Variants in RBPJ observed in about 807,000 individuals in gnomAD.
RBPJ encodes recombining binding protein suppressor of hairless.
A neutral mutation model predicts 67.8 loss-of-function variants in RBPJ; 9 were observed. The observed-to-expected ratio is 0.13, with a 90% CI of 0.08 to 0.23. The LOEUF (loss-of-function observed/expected upper bound fraction) is 0.23, where lower values mean the gene tolerates loss of function less well. Among genes scored for constraint, RBPJ ranks in the 10% least tolerant of loss-of-function variants. RBPJ has a pLI of 1.00. For synonymous variants in RBPJ, 198 were observed against 203.3 expected, an observed-to-expected ratio of 0.97 and a Z score of 0.22; for missense variants, 305 against 595.6, an observed-to-expected ratio of 0.51 and a Z score of 5.08.
At chr4:26,313,503 C>CA (rs200769520) in intron 1 of RBPJ, among the ~76,000 whole-genome samples, 1,602 of 151,212 alleles carry the variant, frequency 0.011, 37 homozygotes, top group South Asian at 0.094. Flanking sequence ...CCGTCTCTAC[C>CA]AAAAAAAATA....
At chr4:26,275,662 C>T (rs1289031696) in intron 1 of RBPJ, among the ~76,000 whole-genome samples, 4 of 152,034 alleles carry the variant, frequency 2.6e-5, no homozygotes, top group African/African-American at 4.8e-5. Flanking sequence ...GACGGAGTCT[C>T]GTACTGTTGC....
intron 1 of RBPJ, among the ~76,000 whole-genome samples, chr4:26,167,829 T>C (rs1480170080): frequency 2.0e-5 from 3 of 151,832 alleles, no homozygotes; most frequent in Non-Finnish European, 4.4e-5. Flanking sequence ...TTTTTGCCCA[T>C]TCAGTATGAT....
the RBPJ span, among the ~76,000 whole-genome samples, chr4:26,121,873 C>CTTTTTT: frequency 4.3e-5 from 4 of 94,106 alleles, no homozygotes; most frequent in Admixed American, 1.2e-4. Context: ...GAGTATCTCT[C>CTTTTTT]TTTTTTTTTT....
intron 1 of RBPJ, among the ~76,000 whole-genome samples, chr4:26,233,999 G>A (rs1398050366): frequency 6.6e-6 from 1 of 152,190 alleles, no homozygotes; most frequent in African/African-American, 2.4e-5. Context: ...AGAAGTAATG[G>A]TGGATTCTAG....
rs1719025382 is a variant in RBPJ at position 26,224,657 on chromosome 4, C to G, written c.-167+61043C>G. On this transcript the variant is annotated intron_variant, in intron 1 of 4. Transcript: ENST00000512351. ...ATGGGCATGAGCCACCGCACCCTGCCCAGAACAGAACATTCTTGATGGCAG... is the reference window on the plus strand; with the variant it reads ...ATGGGCATGAGCCACCGCACCCTGCGCAGAACAGAACATTCTTGATGGCAG... Among the ~76,000 whole-genome samples, 3 of 152,214 alleles carry G rather than the reference C, an allele frequency of 2.0e-5. No homozygotes were observed. In the South Asian group the frequency reaches 6.2e-4, roughly 32 times the overall value.
chr4:26,245,036 C>T (rs1279112160), intron 1 of RBPJ, among the ~76,000 whole-genome samples: 5 of 150,970 alleles, frequency 3.3e-5, no homozygotes, highest in Admixed American at 6.6e-5. Context: ...CCATAAGAAT[C>T]ACCTTCTTAA....
chr4:26,225,490 G>A (rs186778456), intron 1 of RBPJ, among the ~76,000 whole-genome samples: 1 of 152,286 alleles, frequency 6.6e-6, no homozygotes, highest in African/African-American at 2.4e-5. Flanking sequence ...GGATTTTCAG[G>A]TGGTGCAGTT....
At chr4:26,412,324 T>G (rs577305016) in intron 3 of RBPJ, among the ~76,000 whole-genome samples, 3 of 152,104 alleles carry the variant, frequency 2.0e-5, no homozygotes, top group African/African-American at 7.2e-5. Context: ...CCCCACCTAC[T>G]GGGTTCAAGC....
chr4:26,255,758 T>C (rs113425092), intron 1 of RBPJ, among the ~76,000 whole-genome samples: 2,593 of 138,656 alleles, frequency 0.019, 47 homozygotes, highest in African/African-American at 0.049. Flanking sequence ...GCCGAGATCG[T>C]GCCACTGCAC....
At chr4:26,215,391 G>GGA (rs1553849946) in intron 1 of RBPJ, among the ~76,000 whole-genome samples, 491 of 31,640 alleles carry the variant, frequency 0.016, 11 homozygotes, top group African/African-American at 0.019. Flanking sequence ...GGGAGGGAGA[G>GGA]AGGAAGGAAG....
rs568110128 is a variant in RBPJ, at chr4:26,420,676, A to G, written c.447A>G (p.Lys149=). Reference sequence around the variant, plus strand: ...GTGTGTTCCTCAGCAAGCGGATAAAAGTCATCTCCAAACCTTCCAAAAAGA... The same window carrying G: ...GTGTGTTCCTCAGCAAGCGGATAAAGGTCATCTCCAAACCTTCCAAAAAGA... ...DIGVFLSKRI[K]VISKPSKKKQ... The change falls in exon 5 of 11, where the codon AAA becomes AAG. Residue 149 remains lysine (K), a synonymous_variant. Coordinates refer to ENST00000355476, the MANE Select transcript of RBPJ (RefSeq NM_015874.6). The G allele has an allele frequency of 6.8e-6, 11 of 1,613,966 alleles. No homozygotes were observed. The African/African-American group carries it at 1.5e-4, about 22-fold the overall frequency.
At chr4:26,322,120 G>C (rs1490135720) in intron 1 of RBPJ, 2 of 152,612 alleles carry the variant, frequency 1.3e-5, no homozygotes, top group African/African-American at 2.4e-5. Flanking sequence ...CCCCCTCCTG[G>C]TTCCTGACGG....
intron 1 of RBPJ, among the ~76,000 whole-genome samples, chr4:26,269,855 G>C (rs1400855533): frequency 6.6e-6 from 1 of 152,036 alleles, no homozygotes; most frequent in Non-Finnish European, 1.5e-5. Context: ...AAATTACTTT[G>C]AGGCCAAACT....
intron 5 of RBPJ, among the ~76,000 whole-genome samples, chr4:26,421,874 A>G (rs1356335183): frequency 6.6e-6 from 1 of 152,080 alleles, no homozygotes; most frequent in Non-Finnish European, 1.5e-5. Flanking sequence ...GATTTATCAG[A>G]TTGACCCAGA....
At position 26,305,771 on chromosome 4, in the gene RBPJ, C is replaced by CTTTTTTTTTTTTTTTTTTTTT. The variant is rs71276617; in HGVS notation, c.-166-56672_-166-56652dup. Among the ~76,000 whole-genome samples, 12 of 67,768 alleles carry CTTTTTTTTTTTTTTTTTTTTT rather than the reference C, an allele frequency of 1.8e-4. 2 individuals are homozygous for CTTTTTTTTTTTTTTTTTTTTT. Among genetic ancestry groups the CTTTTTTTTTTTTTTTTTTTTT allele is most frequent in the East Asian group, 1.2e-3 (2 of 1,646 alleles). The allele number at this position is 67,768 out of a possible 152,430, so 44.5% of individuals were successfully genotyped here. ...AGTGGAGTTCTTAGAATTTTCTTTTCTTTTTTTTTTTTTTTTTTTTTTTCT... is the reference window on the plus strand; with the variant it reads ...AGTGGAGTTCTTAGAATTTTCTTTTCTTTTTTTTTTTTTTTTTTTTTTTTTTTTTTTTTTTTTTTTTTTTCT... On this transcript the variant is annotated intron_variant, in intron 1 of 4. Coordinates refer to the RBPJ transcript ENST00000512351.
chr4:26,210,618 T>C (rs1353176935), intron 1 of RBPJ, among the ~76,000 whole-genome samples: 3 of 152,176 alleles, frequency 2.0e-5, no homozygotes, highest in African/African-American at 7.2e-5. Context: ...TCATTTGTTC[T>C]TGATTACACT....
At chr4:26,172,017 A>C (rs887660715) in intron 1 of RBPJ, among the ~76,000 whole-genome samples, 1 of 152,214 alleles carries the variant, frequency 6.6e-6, no homozygotes, top group African/African-American at 2.4e-5. Context: ...TGGAGGTTAA[A>C]ATCGCCCCAG....
intron 1 of RBPJ, among the ~76,000 whole-genome samples, chr4:26,280,687 C>T (rs1356225674): frequency 6.6e-6 from 1 of 152,082 alleles, no homozygotes; most frequent in Non-Finnish European, 1.5e-5. Context: ...TTGAATTGTA[C>T]ACTGAAGCAT....
intron 4 of RBPJ, among the ~76,000 whole-genome samples, chr4:26,418,953 T>C (rs1421619519): frequency 6.6e-6 from 1 of 152,128 alleles, no homozygotes; most frequent in Non-Finnish European, 1.5e-5. Context: ...GTGATGTGAC[T>C]GCAAAGTACT....
Sources: allele counts gnomAD v4.1 joint callset (sites outside exome capture counted in the v4.1 genomes callset), GRCh38; gene constraint gnomAD v4.1.1; transcripts MANE v1.5; gene names NCBI Gene and HGNC (gene_info 2026-07-23, HGNC 2026-07-21).